The following CFAP44 variants were observed in gnomAD, a reference collection of about 807,000 sequenced individuals.
The protein encoded by CFAP44 is cilia and flagella associated protein 44, also known as cilia- and flagella-associated protein 44.
In CFAP44, 134 loss-of-function variants were observed where a neutral mutation model predicts 216.2. That is an observed-to-expected ratio of 0.62 (90% CI 0.54 to 0.72). The LOEUF is 0.72. CFAP44 is among the 30% of genes least tolerant of loss of function. The pLI is 0.00. For missense variants in CFAP44, 2,035 were observed against 2,182.1 expected (o/e 0.93, Z 1.34); for synonymous variants, 700 against 727.6 (o/e 0.96, Z 0.61).
chr3:113,363,554 G>A (rs1950561441), intron 19 of CFAP44, 22 bp from the exon 20 acceptor site: 2 of 1,575,122 alleles, frequency 1.3e-6, no homozygotes, highest in Non-Finnish European at 1.7e-6. Flanking sequence ...GAAGTAAAAG[G>A]TTAGCCCTTT....
chr3:113,380,960 T>C lies in CFAP44; in HGVS notation c.1991A>G (p.Tyr664Cys), dbSNP rs773934833. ...QEEDDHDVVS[Y>C]EIKDMCIKCF... is the part of the protein sequence containing the mutation. ...TTTTATGCACATGTCTTTGATTTCATAGGAGACTACATCATGATCATCCTC... is the reference window on the plus strand; with the variant it reads ...TTTTATGCACATGTCTTTGATTTCACAGGAGACTACATCATGATCATCCTC... The change falls in exon 16 of 35, where the codon TAT becomes TGT. Residue 664 changes from tyrosine to cysteine, a missense_variant. Coordinates refer to ENST00000393845, the MANE Select transcript of CFAP44 (RefSeq NM_001164496.2). The C allele has an allele frequency of 2.5e-6, 4 of 1,598,132 alleles. No individual in the cohort carries two copies. The highest frequency in any genetic ancestry group is 1.1e-5 in the South Asian group (1 of 87,574).
At chr3:113,316,213 G>T (rs1283055174) in intron 28 of CFAP44, among the ~76,000 whole-genome samples, 2 of 152,138 alleles carry the variant, frequency 1.3e-5, no homozygotes, top group Non-Finnish European at 2.9e-5. Flanking sequence ...ATACAGAGCA[G>T]GTCTCAATAA....
intron 25 of CFAP44, among the ~76,000 whole-genome samples, chr3:113,331,467 T>C (rs2107811874): frequency 6.6e-6 from 1 of 151,994 alleles, no homozygotes; most frequent in African/African-American, 2.4e-5. Context: ...TTTTTAAAGA[T>C]CAAAAGTCAC....
At chr3:113,383,761 A>G (rs1406097600) in intron 15 of CFAP44, among the ~76,000 whole-genome samples, 2 of 152,162 alleles carry the variant, frequency 1.3e-5, no homozygotes, top group South Asian at 2.1e-4. Flanking sequence ...CCTTTTTTAA[A>G]AAATTATACT....
chr3:113,404,456 T>C (rs1164466467), intron 8 of CFAP44, among the ~76,000 whole-genome samples: 3 of 152,192 alleles, frequency 2.0e-5, no homozygotes, highest in Non-Finnish European at 4.4e-5. Flanking sequence ...ACAAGGATAA[T>C]CATCTAAAAC....
Position 113,395,528 on chromosome 3 carries a change from C to T in CFAP44, c.1890+222G>A, listed in dbSNP as rs371243085. On this transcript the variant is annotated intron_variant, in intron 15 of 34. Transcript: ENST00000393845. ...AGATCATGGTCAACTAATAAGCCCA[C>T]GGAAGAGAAAGGAGGCAGTGAGGAG... Among the ~76,000 whole-genome samples, 16 of 152,204 alleles carry T rather than the reference C, an allele frequency of 1.1e-4. No homozygotes were observed. In the East Asian group the frequency reaches 1.2e-3, roughly 11 times the overall value.
At position 113,340,260 on chromosome 3, in the gene CFAP44, A is replaced by G. The variant is rs368960449; in HGVS notation, c.3437+1484T>C. ...ATTTTCACCTTCGGAGGCTGAGCCT[A>G]ATGCTCATTTAGCTTAGTAACATTT... On this transcript the variant is annotated intron_variant, in intron 24 of 34. Transcript: ENST00000393845. 4.5e-4 allele frequency among the ~76,000 whole-genome samples: 68 copies of G among 152,328 alleles called. No individual in the cohort carries two copies. In the South Asian group the frequency reaches 0.011, roughly 25 times the overall value.
intron 21 of CFAP44, among the ~76,000 whole-genome samples, chr3:113,359,091 C>T (rs1444490358): frequency 6.6e-6 from 1 of 152,136 alleles, no homozygotes; most frequent in Non-Finnish European, 1.5e-5. Context: ...TAAAGCTACA[C>T]AGTTTAAGAT....
chr3:113,303,764 C>T (rs909292318), intron 32 of CFAP44, among the ~76,000 whole-genome samples, 152 bp downstream of exon 32: 1 of 152,102 alleles, frequency 6.6e-6, no homozygotes, highest in African/African-American at 2.4e-5. Context: ...TCAGGAGAAA[C>T]GGTGAGTAGG....
chr3:113,384,339 G>A (rs1475598690), intron 15 of CFAP44, among the ~76,000 whole-genome samples: 1 of 152,142 alleles, frequency 6.6e-6, no homozygotes, highest in Non-Finnish European at 1.5e-5. Context: ...GATTACAGGT[G>A]TGAGCCACCA....
chr3:113,372,445 T>A (rs1035968875), intron 18 of CFAP44, among the ~76,000 whole-genome samples: 3 of 152,138 alleles, frequency 2.0e-5, no homozygotes, highest in Non-Finnish European at 4.4e-5. Context: ...TGGATGAAGC[T>A]GGAAACCATC....
intron 17 of CFAP44, among the ~76,000 whole-genome samples, chr3:113,374,585 T>C (rs1933277206): frequency 2.6e-5 from 4 of 152,078 alleles, no homozygotes; most frequent in Admixed American, 6.6e-5. Context: ...ACCTCATTCA[T>C]AGCAGCATTA....
intron 14 of CFAP44, among the ~76,000 whole-genome samples, chr3:113,396,148 A>C (rs928256298): frequency 1.7e-4 from 26 of 152,212 alleles, no homozygotes; most frequent in Non-Finnish European, 3.1e-4. Flanking sequence ...TGCATAAAGA[A>C]TTTACACAGT....
chr3:113,360,541 T>C, intron 21 of CFAP44: 1 of 213,890 alleles, frequency 4.7e-6, no homozygotes, highest in East Asian at 1.1e-4. Flanking sequence ...TTATACACTG[T>C]TAGTGCTGTC....
intron 28 of CFAP44, among the ~76,000 whole-genome samples, chr3:113,320,010 G>A (rs1056150597): frequency 6.6e-6 from 1 of 151,926 alleles, no homozygotes; most frequent in African/African-American, 2.4e-5. Context: ...TAAATTCCTG[G>A]AAATACATAA....
intron 15 of CFAP44, among the ~76,000 whole-genome samples, chr3:113,395,369 C>T (rs1022528818): frequency 1.3e-5 from 2 of 152,194 alleles, no homozygotes; most frequent in African/African-American, 4.8e-5. Flanking sequence ...AGGAAAAGTA[C>T]ATTCAGACCT....
chr3:113,426,924 T>A (rs541960857), intron 3 of CFAP44: 1 of 379,488 alleles, frequency 2.6e-6, no homozygotes, highest in African/African-American at 2.1e-5. Context: ...GAACTCCCAC[T>A]AATCTGTAGT....
intron 22 of CFAP44, among the ~76,000 whole-genome samples, chr3:113,350,300 AAGAAAGAGACAGAAAGTCAGAGAGAG>A (rs1054969844): frequency 1.3e-5 from 2 of 151,940 alleles, no homozygotes; most frequent in African/African-American, 4.8e-5. Context: ...GAGAGGAAGA[AAGAAAGAGACAGAAAGTCAGAGAGAG>A]AGAAAGAGAC....
chr3:113,424,993 T>TG (rs1245934581), intron 4 of CFAP44, among the ~76,000 whole-genome samples: 1 of 152,110 alleles, frequency 6.6e-6, no homozygotes, highest in Non-Finnish European at 1.5e-5. Flanking sequence ...CAGAGCATTG[T>TG]GTACTTTAGG....
Sources: gnomAD v4.1 joint callset for allele counts (sites outside exome capture counted in the v4.1 genomes callset) on GRCh38, gnomAD v4.1.1 for gene constraint, MANE v1.5 for transcripts, NCBI Gene and HGNC (gene_info 2026-07-23, HGNC 2026-07-21) for gene names.